The following SEC31B variants were observed in gnomAD, a reference collection of about 807,000 sequenced individuals.
The protein encoded by SEC31B is protein transport protein Sec31B.
SEC31B carries 113 observed loss-of-function variants against 135.0 expected under a neutral mutation model. That is an observed-to-expected ratio of 0.84 (90% CI 0.72 to 0.98). SEC31B has a LOEUF of 0.98. Among genes scored for constraint, SEC31B ranks in the 50% least tolerant of loss-of-function variants. The pLI is 0.00. For missense variants in SEC31B, 1,296 were observed against 1,421.1 expected, an observed-to-expected ratio of 0.91 and a Z score of 1.42; for synonymous variants, 508 against 549.4, an observed-to-expected ratio of 0.92 and a Z score of 1.05.
chr10:100,508,989 A>G lies in SEC31B; in HGVS notation c.495+18T>C. 6.3e-7 allele frequency: 1 copy of G among 1,585,294 alleles called. No individual in the cohort carries two copies. Among genetic ancestry groups the G allele is most frequent in the Non-Finnish European group, 8.7e-7 (1 of 1,153,884 alleles). ...TCAGCTGCACACTCCAGGGTTGGGTAGTGGGGGTGCTGCTCACCTGTGACT... is the reference window on the plus strand; with the variant it reads ...TCAGCTGCACACTCCAGGGTTGGGTGGTGGGGGTGCTGCTCACCTGTGACT... On this transcript the variant is annotated intron_variant, in intron 5 of 25. Transcript: ENST00000370345.
At chr10:100,505,825 C>T in intron 9 of SEC31B, 2 of 1,465,186 alleles carry the variant, frequency 1.4e-6, no homozygotes, top group South Asian at 1.4e-5. Flanking sequence ...CAGGGCCCAT[C>T]CAATAACAAG....
chr10:100,508,877 G>A (rs1289657831), intron 5 of SEC31B, 130 bp downstream of exon 5: 2 of 702,024 alleles, frequency 2.8e-6, no homozygotes, highest in Non-Finnish European at 5.0e-6. Flanking sequence ...ATGTTAGTCT[G>A]TGGAGCTTTA....
intron 5 of SEC31B, 171 bp downstream of exon 5, chr10:100,508,836 C>A (rs1041993133): frequency 1.6e-5 from 10 of 617,390 alleles, no homozygotes; most frequent in Non-Finnish European, 2.6e-5. Flanking sequence ...CTCCACCCAC[C>A]AGCCATCCTA....
intron 11 of SEC31B, chr10:100,501,740 G>A (rs1851528142): frequency 6.4e-6 from 1 of 155,286 alleles, no homozygotes; most frequent in Non-Finnish European, 1.4e-5. Context: ...GAAATTAAAT[G>A]AGAACTGGAA....
At position 100,497,692 on chromosome 10, in the gene SEC31B, G is replaced by A. The variant is rs1276916450; in HGVS notation, c.1965C>T (p.Gly655=). Residue 655 remains glycine, a synonymous_variant, in exon 16 of 26, where the codon GGC becomes GGT. Coordinates refer to ENST00000370345, the MANE Select transcript of SEC31B (RefSeq NM_015490.4). The stretch of plus-strand genomic sequence containing the variant: ...CACAGAGCTCGGGAAATTTCTCTGT[G>A]CCTGAGTATGTCAGTAGCAAAGCCA... ...EALALLLTYS[G]TEKFPELCDM... 2 of 1,614,198 alleles carry A rather than the reference G, an allele frequency of 1.2e-6. No individual in the cohort carries two copies. Among genetic ancestry groups the A allele is most frequent in the African/African-American group, 1.3e-5 (1 of 75,060 alleles).
At chr10:100,489,145 A>T in intron 23 of SEC31B, 107 bp downstream of exon 23, 1 of 1,447,942 alleles carries the variant, frequency 6.9e-7, no homozygotes, top group Middle Eastern at 2.0e-4. Context: ...ACCTGCCCCC[A>T]GTCTCCCTCA....
chr10:100,500,116 G>A (rs1333156876), intron 11 of SEC31B: 2 of 456,672 alleles, frequency 4.4e-6, no homozygotes, highest in East Asian at 6.9e-5. Context: ...ATACCTGCCT[G>A]ATGTATAGTC....
chr10:100,495,626 C>A (rs1589732595), intron 18 of SEC31B, 80 bp from the exon 19 acceptor site: 2 of 1,334,276 alleles, frequency 1.5e-6, no homozygotes, highest in Admixed American at 2.0e-5. Context: ...TTTCAGCTGA[C>A]CCTCTACACC....
At position 100,495,495 on chromosome 10, in the gene SEC31B, C is replaced by G. The variant is rs1851390759; in HGVS notation, c.2362G>C (p.Val788Leu). 3 of 1,614,074 alleles carry G rather than the reference C, an allele frequency of 1.9e-6. No homozygotes were observed. Among genetic ancestry groups the G allele is most frequent in the South Asian group, 1.1e-5 (1 of 91,032 alleles). The change falls in exon 19 of 26, where the codon GTC becomes CTC. Residue 788 changes from valine to leucine, a missense_variant. Transcript: ENST00000370345. ...DRLFHAQGSA[V>L]LGQQSPPFPF... is the part of the protein sequence containing the mutation. ...AAAGGGGGAGACTGTTGGCCCAAGA[C>G]AGCAGAACCTTGAGCATGAAAAAGC...
chr10:100,494,005 A>AAAGGGAGGGAG (rs1851355843), intron 19 of SEC31B, among the ~76,000 whole-genome samples: 9 of 150,040 alleles, frequency 6.0e-5, no homozygotes, highest in African/African-American at 2.2e-4. Flanking sequence ...AAGGGAGGGA[A>AAAGGGAGGGAG]GAAAGGGAGG....
intron 6 of SEC31B, 149 bp from the exon 7 acceptor site, chr10:100,507,716 T>C (rs2133692035): frequency 7.8e-7 from 1 of 1,286,548 alleles, no homozygotes; most frequent in African/African-American, 1.5e-5. Flanking sequence ...AAGTAAGGAA[T>C]GGCAGAAGCT....
At chr10:100,505,996 A>G in intron 9 of SEC31B, 44 bp downstream of exon 9, 1 of 1,610,638 alleles carries the variant, frequency 6.2e-7, no homozygotes, top group Non-Finnish European at 8.5e-7. Context: ...CCACAAACAG[A>G]GACAGCCCCT....
At chr10:100,500,590 A>G (rs1417343324) in intron 11 of SEC31B, among the ~76,000 whole-genome samples, 3 of 152,056 alleles carry the variant, frequency 2.0e-5, no homozygotes, top group Admixed American at 2.0e-4. Context: ...TGCTGGGATT[A>G]CAGGCGTGAG....
chr10:100,516,102 A>G lies in SEC31B; in HGVS notation c.197T>C (p.Leu66Ser), dbSNP rs2133700261. The G allele has an allele frequency of 6.2e-7, 1 of 1,614,134 alleles. No homozygotes were observed. The highest frequency in any genetic ancestry group is 8.5e-7 in the Non-Finnish European group (1 of 1,180,000). ...DLKHRGVLSALSRFHKLVWGS... is the reference protein window; with the variant it reads ...DLKHRGVLSASSRFHKLVWGS... ...TCAATAGATCAGACAATACCTGCTC[A>G]AGGCAGAAAGGACTCCTCTGTGTTT... Residue 66 changes from leucine to serine, a missense_variant, in exon 3 of 26, where the codon TTG (leucine) becomes TCG (serine). Coordinates refer to ENST00000370345, the MANE Select transcript of SEC31B (RefSeq NM_015490.4).
intron 18 of SEC31B, 77 bp from the exon 19 acceptor site, chr10:100,495,623 T>G: frequency 7.1e-7 from 1 of 1,401,876 alleles, no homozygotes; most frequent in East Asian, 2.4e-5. Flanking sequence ...AAATTTCAGC[T>G]GACCCTCTAC....
Position 100,509,011 on chromosome 10 carries a change from G to A in SEC31B, c.491C>T (p.Ser164Leu), listed in dbSNP as rs377145382. ...GGTAGTGGGGGTGCTGCTCACCTGTGACTTGGATCCCAGGGTCATTGGCAC... is the reference window on the plus strand; with the variant it reads ...GGTAGTGGGGGTGCTGCTCACCTGTAACTTGGATCCCAGGGTCATTGGCAC... Reference protein sequence around the residue: ...LNVPMTLGSKSQQPPEDIKAL... With the variant: ...LNVPMTLGSKLQQPPEDIKAL... The change falls in exon 5 of 26, where the codon TCA (serine) becomes TTA (leucine). Residue 164 changes from serine (S) to leucine (L), a missense_variant. Physicochemically the swap from Ser to Leu is moderately radical, Grantham distance 145. Transcript: ENST00000370345. 46 of 1,613,354 alleles carry A rather than the reference G, an allele frequency of 2.9e-5. No individual in the cohort carries two copies. The highest frequency in any genetic ancestry group is 1.6e-4 in the Middle Eastern group (1 of 6,080).
chr10:100,507,365 T>C (rs911183893), intron 7 of SEC31B, 60 bp downstream of exon 7: 1 of 1,607,066 alleles, frequency 6.2e-7, no homozygotes, highest in Non-Finnish European at 8.5e-7. Flanking sequence ...CATTGCCTCC[T>C]ACCCAGCCCA....
chr10:100,509,397 C>T lies in SEC31B; in HGVS notation c.318G>A (p.Leu106=). The part of the protein sequence containing the change: ...MLILYNVTHI[L]SSGKEPVIAQ... ...CAATCACAGGCTCCTTCCCCGAAGA[C>T]AGGATGTGGGTCACATTGTATAGAA... Residue 106 remains leucine, a synonymous_variant, in exon 4 of 26, where the codon CTG becomes CTA. Coordinates refer to ENST00000370345, the MANE Select transcript of SEC31B (RefSeq NM_015490.4). 1.2e-6 allele frequency: 2 copies of T among 1,614,182 alleles called. No individual in the cohort carries two copies. Among genetic ancestry groups the T allele is most frequent in the South Asian group, 1.1e-5 (1 of 91,084 alleles).
Position 100,495,445 on chromosome 10 carries a change from T to C in SEC31B, c.2412A>G (p.Gly804=). The change falls in exon 19 of 26, where the codon GGA becomes GGG. Residue 804 remains glycine, a synonymous_variant. Coordinates refer to ENST00000370345, the MANE Select transcript of SEC31B (RefSeq NM_015490.4). ...PPFPFPRIVV[G]ATLHSKETSS... is the part of the protein sequence containing the mutation. ...ATGTCTCTTTAGAGTGGAGGGTAGC[T>C]CCCACAACAATCCGGGGGAAGGGGA... is the stretch of plus-strand genomic sequence containing the variant. 6.2e-7 allele frequency: 1 copy of C among 1,613,760 alleles called. No individual in the cohort carries two copies. Among genetic ancestry groups the C allele is most frequent in the Non-Finnish European group, 8.5e-7 (1 of 1,179,920 alleles).
Sources: gnomAD v4.1 joint callset for allele counts (sites outside exome capture counted in the v4.1 genomes callset) on GRCh38, gnomAD v4.1.1 for gene constraint, MANE v1.5 for transcripts, NCBI Gene and HGNC (gene_info 2026-07-23, HGNC 2026-07-21) for gene names.